The following FOXN3 variants were observed in gnomAD, a reference collection of about 807,000 sequenced individuals.
The protein encoded by FOXN3 is forkhead box N3.
A neutral mutation model predicts 38.4 loss-of-function variants in FOXN3; 7 were observed. The ratio of observed to expected loss-of-function variants is 0.18; its 90% CI spans 0.10 to 0.34. FOXN3 has a LOEUF of 0.34. FOXN3 is among the 10% of genes least tolerant of loss of function. FOXN3 has a pLI of 1.00. For missense variants in FOXN3, 456 were observed against 613.4 expected (o/e 0.74, Z 2.71); for synonymous variants, 230 against 242.2 (o/e 0.95, Z 0.47).
intron 3 of FOXN3, among the ~76,000 whole-genome samples, chr14:89,285,101 A>G (rs11629023): frequency 0.39 from 58,608 of 152,044 alleles, 11,511 homozygotes; most frequent in African/African-American, 0.47. Flanking sequence ...AAGACCCTGG[A>G]AGGTTCCGCC....
chr14:89,498,631 G>T (rs1475101913), intron 1 of FOXN3, among the ~76,000 whole-genome samples: 1 of 152,148 alleles, frequency 6.6e-6, no homozygotes, highest in African/African-American at 2.4e-5. Flanking sequence ...TGGATATTGA[G>T]AACTACCTGG....
At chr14:89,405,978 C>T (rs779524606) in intron 2 of FOXN3, among the ~76,000 whole-genome samples, 7 of 152,062 alleles carry the variant, frequency 4.6e-5, no homozygotes, top group Non-Finnish European at 7.4e-5. Flanking sequence ...CCAGACTGGG[C>T]GACACAGCAA....
Position 89,514,832 on chromosome 14 carries a change from G to T in FOXN3, c.-14-102342C>A, listed in dbSNP as rs1248182929. On this transcript the variant is annotated intron_variant, in intron 1 of 6. Transcript: ENST00000345097. ...TCGCACTGTCCTGAAAAGAAGAGGA[G>T]AGGTCCAGGAGTTTAAATTGATCGC... is the stretch of plus-strand genomic sequence containing the variant. Among the ~76,000 whole-genome samples the T allele has an allele frequency of 2.0e-5, 3 of 152,130 alleles. No individual in the cohort carries two copies. The South Asian group carries it at 6.2e-4, about 32-fold the overall frequency.
At position 89,329,789 on chromosome 14, in the gene FOXN3, G is replaced by A. The variant is rs188147817; in HGVS notation, c.680+20883C>T. Among the ~76,000 whole-genome samples the A allele has an allele frequency of 9.1e-3, 1,350 of 148,160 alleles. 19 individuals are homozygous for A. Among genetic ancestry groups the A allele is most frequent in the African/African-American group, 0.032 (1,288 of 40,090 alleles). ...GAGAATGCTGTGAACCCGGGAGGCG[G>A]AGCTTGCAGTGAGCCGAGATCGTGC... is the stretch of plus-strand genomic sequence containing the variant. On this transcript the variant is annotated intron_variant, in intron 3 of 5. Transcript: ENST00000557258.
intron 1 of FOXN3, among the ~76,000 whole-genome samples, chr14:89,579,516 T>C (rs372726841): frequency 1.3e-5 from 2 of 152,186 alleles, no homozygotes; most frequent in South Asian, 2.1e-4. Flanking sequence ...AATCCTCTAG[T>C]AGTTTCCCAA....
chr14:89,302,960 A>G (rs1164536161), intron 3 of FOXN3, among the ~76,000 whole-genome samples: 1 of 152,142 alleles, frequency 6.6e-6, no homozygotes, highest in African/African-American at 2.4e-5. Flanking sequence ...CTACCACTTC[A>G]TATACACAGA....
rs796271836 is a variant in FOXN3, at chr14:89,180,994, ACACT to A, written c.746-192_746-189del. The stretch of plus-strand genomic sequence containing the variant: ...CAGTCACACAGACATGCACAGACAC[ACACT>A]CACACAGTCATGCACGCGCACACAC... On this transcript the variant is annotated intron_variant, in intron 4 of 5. Coordinates refer to ENST00000557258, the MANE Select transcript of FOXN3 (RefSeq NM_005197.4). Among the ~76,000 whole-genome samples, 155 of 150,936 alleles carry A rather than the reference ACACT, an allele frequency of 1.0e-3. 1 individual carries two copies. The highest frequency in any genetic ancestry group is 6.8e-3 in the Middle Eastern group (2 of 294).
chr14:89,321,113 A>C (rs1887883014), intron 3 of FOXN3, among the ~76,000 whole-genome samples: 1 of 151,092 alleles, frequency 6.6e-6, no homozygotes, highest in Non-Finnish European at 1.5e-5. Flanking sequence ...TATGGCGAAA[A>C]CCCCTCTCTA....
chr14:89,290,694 G>T (rs926569160), intron 3 of FOXN3: 26 of 413,072 alleles, frequency 6.3e-5, no homozygotes, highest in Middle Eastern at 5.2e-4. Context: ...TGTGGGACTT[G>T]GAATGTAGCT....
intron 1 of FOXN3, among the ~76,000 whole-genome samples, chr14:89,569,607 A>C (rs1895448543): frequency 6.6e-6 from 1 of 152,246 alleles, no homozygotes; most frequent in Admixed American, 6.5e-5. Context: ...GAAAATCTTG[A>C]TCATGACAAA....
At chr14:89,380,962 T>C (rs1271083452) in intron 2 of FOXN3, among the ~76,000 whole-genome samples, 1 of 151,864 alleles carries the variant, frequency 6.6e-6, no homozygotes, top group African/African-American at 2.4e-5. Flanking sequence ...ACCAACATGA[T>C]GAAACCCCAT....
intron 1 of FOXN3, among the ~76,000 whole-genome samples, chr14:89,461,316 G>A (rs981192930): frequency 3.3e-5 from 5 of 150,974 alleles, no homozygotes; most frequent in Non-Finnish European, 5.9e-5. Flanking sequence ...CAGGCCAGGC[G>A]ACAGAGTGAG....
intron 1 of FOXN3, among the ~76,000 whole-genome samples, chr14:89,528,585 G>A (rs1031056082): frequency 1.3e-5 from 2 of 151,120 alleles, no homozygotes; most frequent in African/African-American, 2.4e-5. Context: ...TAGTAGAGAC[G>A]GGGTTTCTCC....
At chr14:89,285,467 C>T (rs1218537833) in intron 3 of FOXN3, among the ~76,000 whole-genome samples, 4 of 150,978 alleles carry the variant, frequency 2.6e-5, no homozygotes, top group African/African-American at 7.3e-5. Flanking sequence ...TGCAGTGAGC[C>T]GAGATCACGC....
chr14:89,598,764 A>T (rs1479502585), intron 1 of FOXN3, among the ~76,000 whole-genome samples: 3 of 152,208 alleles, frequency 2.0e-5, no homozygotes, highest in African/African-American at 7.2e-5. Context: ...TAAAGATAAG[A>T]GGTACCCACT....
chr14:89,172,192 G>A (rs1887407338), intron 5 of FOXN3, among the ~76,000 whole-genome samples: 1 of 152,186 alleles, frequency 6.6e-6, no homozygotes, highest in Non-Finnish European at 1.5e-5. Flanking sequence ...GCTACAATGA[G>A]AGGCACTGTA....
rs555489472 is a variant in FOXN3, at chr14:89,198,378, T to C, written c.746-17572A>G. ...ACTTGAACATCCTCAGATTTTGGTATCTTAGGGGGTCCTGGAACCAATCCC... is the reference window on the plus strand; with the variant it reads ...ACTTGAACATCCTCAGATTTTGGTACCTTAGGGGGTCCTGGAACCAATCCC... On this transcript the variant is annotated intron_variant, in intron 4 of 5. Transcript: ENST00000557258. 2.0e-5 allele frequency among the ~76,000 whole-genome samples: 3 copies of C among 152,174 alleles called. No homozygotes were observed. The South Asian group carries it at 6.2e-4, about 32-fold the overall frequency.
chr14:89,397,523 G>A (rs978953844), intron 2 of FOXN3, among the ~76,000 whole-genome samples: 13 of 151,230 alleles, frequency 8.6e-5, no homozygotes, highest in African/African-American at 3.2e-4. Context: ...GGAAGCACTT[G>A]ACTCCTTTGT....
intron 5 of FOXN3, 49 bp downstream of exon 5, chr14:89,180,652 G>T: frequency 7.3e-7 from 1 of 1,372,944 alleles, no homozygotes; most frequent in Non-Finnish European, 9.9e-7. Context: ...ACAGAAAGCT[G>T]CCCTTCCCAC....
Sources: gnomAD v4.1 joint callset for allele counts (sites outside exome capture counted in the v4.1 genomes callset) on GRCh38, gnomAD v4.1.1 for gene constraint, MANE v1.5 for transcripts, NCBI Gene and HGNC (gene_info 2026-07-23, HGNC 2026-07-21) for gene names.